NCAM2: variants seen among roughly 807,000 people sequenced by gnomAD.
NCAM2 encodes the protein N-CAM-2.
A neutral mutation model predicts 98.1 loss-of-function variants in NCAM2; 30 were observed. The ratio of observed to expected loss-of-function variants is 0.31; its 90% CI spans 0.23 to 0.41. The LOEUF (loss-of-function observed/expected upper bound fraction) is 0.41, where lower values mean the gene tolerates loss of function less well. NCAM2 is among the 10% of genes least tolerant of loss of function. The probability of loss-of-function intolerance (pLI) is 1.00; values close to 1 mark genes in which losing one functional copy is unlikely to be tolerated. For synonymous variants in NCAM2, 368 were observed against 342.4 expected, an observed-to-expected ratio of 1.07 and a Z score of -0.83; for missense variants, 867 against 1,005.8, an observed-to-expected ratio of 0.86 and a Z score of 1.87.
At chr21:21,076,271 A>G (rs2065680465) in intron 1 of NCAM2, among the ~76,000 whole-genome samples, 1 of 152,148 alleles carries the variant, frequency 6.6e-6, no homozygotes, top group Admixed American at 6.5e-5. Context: ...TACAGCACAT[A>G]ATGAAACTTG....
Position 21,198,161 on chromosome 21 carries a change from A to AT in NCAM2, c.56-82410dup, listed in dbSNP as rs1290425535. Among the ~76,000 whole-genome samples the AT allele has an allele frequency of 3.4e-5, 5 of 148,142 alleles. No homozygotes were observed. In the South Asian group the frequency reaches 6.4e-4, roughly 19 times the overall value. The stretch of plus-strand genomic sequence containing the variant: ...TTATCTACCTAAACAGAATCTAGTT[A>AT]TTTTTTTAAATATGTAAAGTATATG... On this transcript the variant is annotated intron_variant, in intron 1 of 17. Transcript: ENST00000400546.
At chr21:21,410,090 A>C (rs940368296) in intron 9 of NCAM2, among the ~76,000 whole-genome samples, 184 bp from the exon 10 acceptor site, 1 of 151,954 alleles carries the variant, frequency 6.6e-6, no homozygotes, top group Non-Finnish European at 1.5e-5. Context: ...CGGAGATTGC[A>C]CCACTGCACT....
intron 15 of NCAM2, among the ~76,000 whole-genome samples, chr21:21,493,541 G>A (rs1347941852): frequency 2.6e-5 from 4 of 151,904 alleles, no homozygotes; most frequent in Non-Finnish European, 4.4e-5. Context: ...TGAACCCACA[G>A]TGGCACATTG....
intron 5 of NCAM2, among the ~76,000 whole-genome samples, chr21:21,311,429 C>T (rs1451657474): frequency 6.7e-6 from 1 of 149,432 alleles, no homozygotes; most frequent in Non-Finnish European, 1.5e-5. Flanking sequence ...CAAGCTCTGC[C>T]TGCTGGGTTC....
At chr21:21,171,947 G>C (rs371794007) in intron 1 of NCAM2, among the ~76,000 whole-genome samples, 1 of 152,018 alleles carries the variant, frequency 6.6e-6, no homozygotes, top group Non-Finnish European at 1.5e-5. Context: ...AAGAACTTCA[G>C]TCCCTTATGT....
Position 21,361,752 on chromosome 21 carries a change from C to T in NCAM2, c.1045-12111C>T, listed in dbSNP as rs189113842. ...ATAAATCTTTCAAAGTTAAAATATT[C>T]AGTTCAATACTGTACTTCTTTTTCC... On this transcript the variant is annotated intron_variant, in intron 8 of 17. Coordinates refer to ENST00000400546, the MANE Select transcript of NCAM2 (RefSeq NM_004540.5). Among the ~76,000 whole-genome samples, 288 of 152,232 alleles carry T rather than the reference C, an allele frequency of 1.9e-3. 1 individual carries two copies. Among genetic ancestry groups the T allele is most frequent in the African/African-American group, 6.1e-3 (255 of 41,558 alleles).
chr21:21,007,196 A>C (rs2146121165), intron 1 of NCAM2, among the ~76,000 whole-genome samples: 1 of 152,314 alleles, frequency 6.6e-6, no homozygotes. Flanking sequence ...TCCCAATGTA[A>C]GAAAATAAGC....
chr21:21,114,805 A>G (rs1051708903), intron 1 of NCAM2, among the ~76,000 whole-genome samples: 3 of 147,300 alleles, frequency 2.0e-5, no homozygotes, highest in African/African-American at 7.6e-5. Flanking sequence ...TGATTCGCTC[A>G]TTATGTCTAT....
chr21:21,378,106 C>G (rs1320692928), intron 9 of NCAM2, among the ~76,000 whole-genome samples: 1 of 151,886 alleles, frequency 6.6e-6, no homozygotes, highest in East Asian at 1.9e-4. Flanking sequence ...TAGGTTGATT[C>G]CATATCTAGG....
chr21:21,301,706 G>A (rs928261209), intron 5 of NCAM2, among the ~76,000 whole-genome samples: 1 of 150,678 alleles, frequency 6.6e-6, no homozygotes, highest in African/African-American at 2.4e-5. Context: ...CCCTACAAAG[G>A]ACATGAACTC....
At chr21:21,402,748 CTT>C (rs938841400) in intron 9 of NCAM2, among the ~76,000 whole-genome samples, 47 of 152,230 alleles carry the variant, frequency 3.1e-4, no homozygotes, top group African/African-American at 1.1e-3. Flanking sequence ...AAATTCCTCT[CTT>C]TGTACTCTTT....
Position 21,431,795 on chromosome 21 carries a change from G to A in NCAM2, c.1481-313G>A, listed in dbSNP as rs574566908. On this transcript the variant is annotated intron_variant, in intron 11 of 17. Coordinates refer to ENST00000400546, the MANE Select transcript of NCAM2 (RefSeq NM_004540.5). ...TTATTTTTTTTTCTTAAACACACAC[G>A]AGATTGTTTTCCTGGACCTCAATAA... Among the ~76,000 whole-genome samples the A allele has an allele frequency of 4.0e-5, 6 of 151,342 alleles. No individual in the cohort carries two copies. In the South Asian group the frequency reaches 8.4e-4, roughly 21 times the overall value.
chr21:21,493,095 C>T (rs1014423086), intron 15 of NCAM2, among the ~76,000 whole-genome samples: 2 of 151,834 alleles, frequency 1.3e-5, no homozygotes, highest in African/African-American at 4.8e-5. Flanking sequence ...GACTCACGGT[C>T]CTGTCAAATG....
intron 1 of NCAM2, among the ~76,000 whole-genome samples, chr21:21,066,055 A>G (rs1185254115): frequency 1.3e-5 from 2 of 152,168 alleles, no homozygotes; most frequent in African/African-American, 2.4e-5. Context: ...CCCTATGATC[A>G]GTGAATGAAT....
At chr21:21,206,200 C>T (rs2069431383) in intron 1 of NCAM2, among the ~76,000 whole-genome samples, 1 of 151,908 alleles carries the variant, frequency 6.6e-6, no homozygotes, top group South Asian at 2.1e-4. Flanking sequence ...GATTTTGTTT[C>T]CATTTGTAAT....
intron 9 of NCAM2, among the ~76,000 whole-genome samples, chr21:21,384,954 GC>G (rs1325666693): frequency 2.0e-5 from 3 of 151,862 alleles, no homozygotes; most frequent in African/African-American, 7.2e-5. Flanking sequence ...TTAAAATTTA[GC>G]CTGTCCTCTC....
intron 1 of NCAM2, among the ~76,000 whole-genome samples, chr21:21,015,119 A>T (rs2146156525): frequency 6.6e-6 from 1 of 152,342 alleles, no homozygotes; most frequent in South Asian, 2.1e-4. Context: ...CTTGAGATGG[A>T]ATCTAATTCT....
chr21:21,033,375 T>G (rs1182393437), intron 1 of NCAM2, among the ~76,000 whole-genome samples: 1 of 152,154 alleles, frequency 6.6e-6, no homozygotes. Flanking sequence ...TAAAACAAAC[T>G]GATAGAAGAT....
chr21:21,074,140 A>C (rs2065629424), intron 1 of NCAM2, among the ~76,000 whole-genome samples: 1 of 152,168 alleles, frequency 6.6e-6, no homozygotes, highest in Admixed American at 6.6e-5. Flanking sequence ...AATCACATTT[A>C]ATATCCCTTT....
Sources: gnomAD v4.1 joint callset for allele counts (sites outside exome capture counted in the v4.1 genomes callset) on GRCh38, gnomAD v4.1.1 for gene constraint, MANE v1.5 for transcripts, NCBI Gene and HGNC (gene_info 2026-07-23, HGNC 2026-07-21) for gene names.